The following GATAD1 variants were observed in gnomAD, a reference collection of about 807,000 sequenced individuals.
GATAD1 encodes GATA zinc finger domain-containing protein 1.
A neutral mutation model predicts 26.5 loss-of-function variants in GATAD1; 12 were observed. The observed-to-expected ratio is 0.45, with a 90% CI of 0.29 to 0.73. The LOEUF (loss-of-function observed/expected upper bound fraction) is 0.73, where lower values mean the gene tolerates loss of function less well. Among genes scored for constraint, GATAD1 ranks in the 30% least tolerant of loss-of-function variants. GATAD1 has a pLI of 0.10. For missense variants in GATAD1, 266 were observed against 342.1 expected (o/e 0.78, Z 1.75); for synonymous variants, 129 against 133.1 (o/e 0.97, Z 0.21).
At chr7:92,448,139 C>T (rs1049125485) in intron 1 of GATAD1, among the ~76,000 whole-genome samples, 161 bp downstream of exon 1, 6 of 152,214 alleles carry the variant, frequency 3.9e-5, no homozygotes, top group African/African-American at 1.2e-4. Flanking sequence ...TCGTTTGGCC[C>T]ATTCCGAAGC....
the GATAD1 span, among the ~76,000 whole-genome samples, chr7:92,473,592 A>C: frequency 6.6e-6 from 1 of 151,918 alleles, no homozygotes; most frequent in Non-Finnish European, 1.5e-5. Flanking sequence ...TTTTGCTAGA[A>C]TGTCTCTCCC....
the GATAD1 span, chr7:92,494,309 C>G: frequency 1.9e-6 from 3 of 1,612,924 alleles, no homozygotes; most frequent in South Asian, 2.2e-5. Flanking sequence ...AGGAGGAGGA[C>G]AGTATACACA....
chr7:92,454,733 C>G, intron 4 of GATAD1, 48 bp downstream of exon 4: 3 of 1,281,254 alleles, frequency 2.3e-6, no homozygotes, highest in Non-Finnish European at 3.3e-6. Flanking sequence ...AGTTAACTCT[C>G]CAATATTATG....
At chr7:92,490,045 T>A in the GATAD1 span, 1 of 747,508 alleles carries the variant, frequency 1.3e-6, no homozygotes, top group Non-Finnish European at 2.3e-6. Flanking sequence ...GTTAATTAAC[T>A]GAAATTAAGC....
At chr7:92,486,248 T>C in the GATAD1 span, among the ~76,000 whole-genome samples, 1 of 152,240 alleles carries the variant, frequency 6.6e-6, no homozygotes, top group African/African-American at 2.4e-5. Flanking sequence ...CATCTGATCC[T>C]CTTCTATCAC....
intron 2 of GATAD1, 94 bp downstream of exon 2, chr7:92,448,971 C>T: frequency 2.3e-6 from 3 of 1,301,948 alleles, no homozygotes; most frequent in Middle Eastern, 1.9e-4. Flanking sequence ...GGACTCTGCC[C>T]TTGGTAGCCC....
chr7:92,469,163 A>C, the GATAD1 span: 7 of 708,688 alleles, frequency 9.9e-6, no homozygotes, highest in Non-Finnish European at 1.5e-5. Flanking sequence ...TGATTAACAT[A>C]ATAACAGCAT....
chr7:92,485,566 T>A, the GATAD1 span, among the ~76,000 whole-genome samples: 1 of 152,186 alleles, frequency 6.6e-6, no homozygotes, highest in Non-Finnish European at 1.5e-5. Context: ...CTCCAAGCCT[T>A]CTTCACAGGA....
chr7:92,454,701 G>A lies in GATAD1; in HGVS notation c.619+16G>A, dbSNP rs370115533. ...TATATCATAGGTAAGTTTGACAAAT[G>A]GCACAGGTTTTTTTTTAACTTAGTT... is the stretch of plus-strand genomic sequence containing the variant. On this transcript the variant is annotated intron_variant, in intron 4 of 4. Transcript: ENST00000287957. 1.0e-5 allele frequency: 16 copies of A among 1,550,522 alleles called. No homozygotes were observed. The highest frequency in any genetic ancestry group is 1.3e-5 in the Non-Finnish European group (15 of 1,147,024).
chr7:92,452,489 G>C (rs1340170604), intron 3 of GATAD1, among the ~76,000 whole-genome samples: 1 of 152,200 alleles, frequency 6.6e-6, no homozygotes, highest in Non-Finnish European at 1.5e-5. Flanking sequence ...CCAAGAGTGT[G>C]ACCACCCAAG....
chr7:92,494,502 CTCCA>C, the GATAD1 span: 2 of 1,613,794 alleles, frequency 1.2e-6, no homozygotes, highest in African/African-American at 1.3e-5. Context: ...AAGCCTTCTA[CTCCA>C]TCCAACTGAG....
rs1393191483 is a variant in GATAD1, at chr7:92,458,019, C to T, written c.*1457C>T. 1 of 152,206 alleles carries T rather than the reference C, an allele frequency of 6.6e-6. No individual in the cohort carries two copies. The highest frequency in any genetic ancestry group is 1.5e-5 in the Non-Finnish European group (1 of 68,132). The allele number at this position is 152,206 out of a possible 1,614,324, so 9.4% of individuals were successfully genotyped here. A position where few individuals can be genotyped will look rare whatever the true frequency, so the allele number is the denominator to read the frequency against. ...GGGTGTTATGGTGCATGCCTGTAAT[C>T]CCAGCTACTCGGGAGGCTGAGGCAG... On this transcript the variant is annotated 3_prime_UTR_variant, in exon 5 of 5. Coordinates refer to ENST00000287957, the MANE Select transcript of GATAD1 (RefSeq NM_021167.5).
chr7:92,454,840 C>T (rs1166688824), intron 4 of GATAD1, among the ~76,000 whole-genome samples, 155 bp downstream of exon 4: 1 of 152,194 alleles, frequency 6.6e-6, no homozygotes, highest in Non-Finnish European at 1.5e-5. Flanking sequence ...GTTGTGGAGG[C>T]TGAAGTCCAA....
At chr7:92,491,227 T>C in the GATAD1 span, 9 of 1,294,006 alleles carry the variant, frequency 7.0e-6, no homozygotes, top group Non-Finnish European at 9.0e-6. Flanking sequence ...CACCAACATA[T>C]AGCTTTATAT....
the GATAD1 span, chr7:92,494,502 C>T: frequency 1.2e-6 from 2 of 1,613,794 alleles, no homozygotes; most frequent in South Asian, 2.2e-5. Flanking sequence ...AAGCCTTCTA[C>T]TCCATCCAAC....
intron 3 of GATAD1, among the ~76,000 whole-genome samples, chr7:92,452,685 T>C (rs1182935421): frequency 6.6e-6 from 1 of 152,238 alleles, no homozygotes; most frequent in Non-Finnish European, 1.5e-5. Context: ...TTTGGTGTTA[T>C]ATATGTGTAC....
the GATAD1 span, among the ~76,000 whole-genome samples, chr7:92,467,423 C>CA: frequency 6.6e-6 from 1 of 152,212 alleles, no homozygotes; most frequent in Non-Finnish European, 1.5e-5. Flanking sequence ...TTTCTTGCCT[C>CA]ATTTTCAACA....
Position 92,458,835 on chromosome 7 carries a change from C to A in GATAD1, c.*2273C>A, listed in dbSNP as rs1012578543. On this transcript the variant is annotated 3_prime_UTR_variant, in exon 5 of 5. Coordinates refer to ENST00000287957, the MANE Select transcript of GATAD1 (RefSeq NM_021167.5). ...GGATTAAAATGTATTTTTCACCGTGCATTTACTTTGGATGTATTTATTTCA... is the reference window on the plus strand; with the variant it reads ...GGATTAAAATGTATTTTTCACCGTGAATTTACTTTGGATGTATTTATTTCA... The A allele has an allele frequency of 6.6e-6, 1 of 152,170 alleles. No individual in the cohort carries two copies. Among genetic ancestry groups the A allele is most frequent in the African/African-American group, 2.4e-5 (1 of 41,446 alleles). 9.4% of individuals were successfully genotyped at this position (152,170 alleles called of 1,614,324 possible).
At chr7:92,463,440 A>G (rs562475950), downstream of GATAD1, among the ~76,000 whole-genome samples, 35 of 151,898 alleles carry the variant, frequency 2.3e-4, no homozygotes, top group African/African-American at 8.4e-4. Context: ...TCATGAGGTC[A>G]GGAGATTGAG....
Sources: gnomAD v4.1 joint callset for allele counts (sites outside exome capture counted in the v4.1 genomes callset) on GRCh38, gnomAD v4.1.1 for gene constraint, MANE v1.5 for transcripts, NCBI Gene and HGNC (gene_info 2026-07-23, HGNC 2026-07-21) for gene names.